The following NECAB1 variants were observed in gnomAD, a reference collection of about 807,000 sequenced individuals.
NECAB1 encodes N-terminal EF-hand calcium-binding protein 1.
Under a neutral mutation model 57.5 loss-of-function variants are expected in NECAB1, and 29 were observed. The ratio of observed to expected loss-of-function variants is 0.50; its 90% confidence interval spans 0.38 to 0.69. NECAB1 has a LOEUF of 0.69. NECAB1 is among the 30% of genes least tolerant of loss of function. NECAB1 has a pLI of 0.00. For synonymous variants in NECAB1, 142 were observed against 147.7 expected (o/e 0.96, Z 0.28); for missense variants, 372 against 413.8 (o/e 0.90, Z 0.88).
intron 3 of NECAB1, among the ~76,000 whole-genome samples, chr8:90,868,709 C>A (rs1373037070): frequency 1.3e-5 from 2 of 152,152 alleles, no homozygotes; most frequent in Non-Finnish European, 2.9e-5. Context: ...TTATCTGAAA[C>A]TGAAACTTAT....
intron 2 of NECAB1, among the ~76,000 whole-genome samples, chr8:90,818,973 T>G (rs1812101093): frequency 6.6e-6 from 1 of 151,978 alleles, no homozygotes; most frequent in Admixed American, 6.6e-5. Flanking sequence ...TATAATAATT[T>G]TAAATGCTCA....
intron 1 of NECAB1, among the ~76,000 whole-genome samples, chr8:90,793,707 A>T (rs950984604): frequency 6.6e-6 from 1 of 152,170 alleles, no homozygotes; most frequent in African/African-American, 2.4e-5. Flanking sequence ...GCCTCCATTC[A>T]TTCTGACCTG....
intron 12 of NECAB1, among the ~76,000 whole-genome samples, chr8:90,954,040 G>T (rs559574717): frequency 7.8e-4 from 118 of 151,544 alleles, no homozygotes; most frequent in African/African-American, 2.8e-3. Context: ...GTGCACTCCA[G>T]CCTGGGTGAC....
chr8:90,899,862 C>T (rs1288704482), intron 5 of NECAB1, among the ~76,000 whole-genome samples: 8 of 152,020 alleles, frequency 5.3e-5, no homozygotes, highest in Non-Finnish European at 1.0e-4. Context: ...AATATTGAAA[C>T]AGAATAGTTC....
At chr8:90,896,108 G>A (rs900435294) in intron 5 of NECAB1, among the ~76,000 whole-genome samples, 5 of 152,080 alleles carry the variant, frequency 3.3e-5, no homozygotes, top group African/African-American at 1.2e-4. Context: ...CCATGCATCC[G>A]TAAGTCGATG....
chr8:90,874,774 C>T (rs1447674596), intron 4 of NECAB1, among the ~76,000 whole-genome samples: 1 of 152,120 alleles, frequency 6.6e-6, no homozygotes, highest in African/African-American at 2.4e-5. Flanking sequence ...TAAATATTCT[C>T]ATATACATTA....
chr8:90,863,017 T>C (rs1808434220), intron 3 of NECAB1, among the ~76,000 whole-genome samples: 1 of 152,116 alleles, frequency 6.6e-6, no homozygotes, highest in African/African-American at 2.4e-5. Flanking sequence ...AACATCAGTA[T>C]ATGTAAACCC....
In NECAB1 at chr8:90,794,655, A is replaced by C. The variant is rs941219343; in HGVS notation, c.99+2670A>C. Among the ~76,000 whole-genome samples the C allele has an allele frequency of 6.6e-5, 10 of 152,376 alleles. No individual in the cohort carries two copies. The East Asian group carries it at 1.5e-3, about 24-fold the overall frequency. ...TGCCACAACTGTTGGCTTTTCCTTC[A>C]GTATCCTCTCCAAATCAGCAATAGT... On this transcript the variant is annotated intron_variant, in intron 1 of 12. Transcript: ENST00000417640.
chr8:90,916,642 T>C (rs1019102528), intron 5 of NECAB1, among the ~76,000 whole-genome samples: 2 of 152,214 alleles, frequency 1.3e-5, no homozygotes, highest in Non-Finnish European at 2.9e-5. Context: ...GCTGGTCCCA[T>C]GATCTGAAAG....
chr8:90,889,006 A>G (rs1314669831), intron 5 of NECAB1, among the ~76,000 whole-genome samples: 1 of 152,194 alleles, frequency 6.6e-6, no homozygotes, highest in Non-Finnish European at 1.5e-5. Context: ...CAAGCAGCCT[A>G]GTTTCTGACA....
intron 5 of NECAB1, among the ~76,000 whole-genome samples, chr8:90,901,804 T>C (rs2130025574): frequency 6.6e-6 from 1 of 152,318 alleles, no homozygotes; most frequent in African/African-American, 2.4e-5. Flanking sequence ...GCCTTGTAGT[T>C]ACACACATTT....
chr8:90,886,585 G>T (rs1200499794), intron 5 of NECAB1, among the ~76,000 whole-genome samples: 1 of 151,860 alleles, frequency 6.6e-6, no homozygotes. Flanking sequence ...GGGTTTCACT[G>T]TGTTGCCCAG....
intron 10 of NECAB1, among the ~76,000 whole-genome samples, chr8:90,943,001 G>A (rs1810713081): frequency 6.6e-6 from 1 of 152,170 alleles, no homozygotes; most frequent in Admixed American, 6.5e-5. Context: ...GTCTATTTCA[G>A]TGTATTACAA....
intron 9 of NECAB1, among the ~76,000 whole-genome samples, chr8:90,936,699 G>C (rs1326143221): frequency 6.6e-6 from 1 of 152,128 alleles, no homozygotes; most frequent in East Asian, 1.9e-4. Context: ...GCTTGTTTAA[G>C]CACACAGCAA....
chr8:90,875,483 G>A (rs1327770663), intron 4 of NECAB1, among the ~76,000 whole-genome samples: 4 of 66,360 alleles, frequency 6.0e-5, no homozygotes, highest in East Asian at 4.5e-4. Context: ...GCGAGACTCC[G>A]TCTCAAAAAA....
intron 5 of NECAB1, among the ~76,000 whole-genome samples, chr8:90,881,435 C>T (rs529782677): frequency 9.9e-5 from 15 of 152,264 alleles, no homozygotes; most frequent in South Asian, 4.2e-4. Flanking sequence ...AATCCCATGT[C>T]GAATTGTAAT....
chr8:90,852,643 G>C (rs1487407063), intron 3 of NECAB1, among the ~76,000 whole-genome samples: 1 of 152,108 alleles, frequency 6.6e-6, no homozygotes. Context: ...GAGAAGCGGT[G>C]GGATGTTGGG....
At chr8:90,806,017 G>A (rs1352279256) in intron 2 of NECAB1, among the ~76,000 whole-genome samples, 4 of 152,118 alleles carry the variant, frequency 2.6e-5, no homozygotes, top group African/African-American at 4.8e-5. Context: ...CCACATGTAA[G>A]TGAGATTGCA....
chr8:90,939,277 A>G (rs1268552636), intron 9 of NECAB1, among the ~76,000 whole-genome samples: 1 of 152,244 alleles, frequency 6.6e-6, no homozygotes, highest in African/African-American at 2.4e-5. Context: ...CAAGAGAAAG[A>G]GTGGAAATCC....
Sources: gnomAD v4.1 joint callset for allele counts (sites outside exome capture counted in the v4.1 genomes callset) on GRCh38, gnomAD v4.1.1 for gene constraint, MANE v1.5 for transcripts, NCBI Gene and HGNC (gene_info 2026-07-23, HGNC 2026-07-21) for gene names.